The following EYS variants were observed in gnomAD, a reference collection of about 807,000 sequenced individuals.
The protein encoded by EYS is EGF-like photoreceptor maintenance factor, also known as protein eyes shut homolog.
EYS carries 250 observed loss-of-function variants against 282.1 expected under a neutral mutation model. The ratio of observed to expected loss-of-function variants is 0.89; its 90% CI spans 0.80 to 0.98. The LOEUF (loss-of-function observed/expected upper bound fraction) is 0.98. EYS is among the 50% of genes least tolerant of loss of function. The probability of loss-of-function intolerance (pLI) is 0.00; values close to 1 mark genes in which losing one functional copy is unlikely to be tolerated. For synonymous variants in EYS, 1,355 were observed against 1,282.9 expected, an observed-to-expected ratio of 1.06 and a Z score of -1.20; for missense variants, 4,016 against 3,709.0, an observed-to-expected ratio of 1.08 and a Z score of -2.15.
intron 22 of EYS, among the ~76,000 whole-genome samples, chr6:64,690,835 G>C (rs549619763): frequency 3.9e-5 from 6 of 152,092 alleles, no homozygotes; most frequent in African/African-American, 4.8e-5. Flanking sequence ...GTCCTGGGGT[G>C]GGGGGAGCGG....
At chr6:64,777,313 A>G (rs979395806) in intron 22 of EYS, among the ~76,000 whole-genome samples, 1 of 152,180 alleles carries the variant, frequency 6.6e-6, no homozygotes, top group Non-Finnish European at 1.5e-5. Flanking sequence ...ATTATTCTTT[A>G]TACCTTAGAT....
intron 36 of EYS, among the ~76,000 whole-genome samples, chr6:63,827,246 C>T (rs1004559347): frequency 1.3e-5 from 2 of 152,144 alleles, no homozygotes; most frequent in Non-Finnish European, 1.5e-5. Context: ...ACATACGCAC[C>T]TAACACTGGA....
At chr6:64,636,684 T>C (rs1582982275) in intron 22 of EYS, among the ~76,000 whole-genome samples, 1 of 152,092 alleles carries the variant, frequency 6.6e-6, no homozygotes, top group Non-Finnish European at 1.5e-5. Flanking sequence ...TTTTGCAACC[T>C]ACTCATCTGA....
intron 24 of EYS, among the ~76,000 whole-genome samples, chr6:64,604,672 G>A (rs1766867741): frequency 6.6e-6 from 1 of 152,026 alleles, no homozygotes; most frequent in Non-Finnish European, 1.5e-5. Context: ...GAAAGCACAA[G>A]TTCATTGATT....
At chr6:63,977,433 G>A (rs1180846253) in intron 35 of EYS, among the ~76,000 whole-genome samples, 1 of 151,912 alleles carries the variant, frequency 6.6e-6, no homozygotes, top group East Asian at 1.9e-4. Context: ...CTTCCTGATC[G>A]CAACTTGTTT....
chr6:64,860,531 C>G (rs1031389849), intron 19 of EYS, among the ~76,000 whole-genome samples: 1 of 152,166 alleles, frequency 6.6e-6, no homozygotes, highest in African/African-American at 2.4e-5. Flanking sequence ...ATGGCTGGTA[C>G]CAGGGAATGC....
At chr6:64,345,525 C>T (rs1771350064) in intron 29 of EYS, among the ~76,000 whole-genome samples, 1 of 152,112 alleles carries the variant, frequency 6.6e-6, no homozygotes, top group African/African-American at 2.4e-5. Context: ...TGGATCCCTT[C>T]CTTACACCTT....
intron 29 of EYS, among the ~76,000 whole-genome samples, chr6:64,329,677 C>G (rs546081803): frequency 9.3e-4 from 142 of 152,162 alleles, no homozygotes; most frequent in Non-Finnish European, 1.8e-3. Flanking sequence ...CATGGGATTA[C>G]TAAGCATATA....
chr6:65,250,326 G>T (rs1198061387), intron 12 of EYS, among the ~76,000 whole-genome samples: 1 of 151,578 alleles, frequency 6.6e-6, no homozygotes, highest in Non-Finnish European at 1.5e-5. Flanking sequence ...AAGTTCATTT[G>T]GCTAAAAAAA....
At chr6:64,920,375 A>T (rs1415155022) in intron 15 of EYS, among the ~76,000 whole-genome samples, 1 of 152,188 alleles carries the variant, frequency 6.6e-6, no homozygotes, top group African/African-American at 2.4e-5. Context: ...AGCTTTGAAC[A>T]TAAACCTAGT....
intron 34 of EYS, among the ~76,000 whole-genome samples, chr6:63,997,261 C>A (rs556342224): frequency 5.3e-5 from 8 of 152,180 alleles, no homozygotes; most frequent in African/African-American, 9.7e-5. Context: ...CTTTCTCAGA[C>A]AAGATCCTGC....
chr6:65,137,571 C>A (rs551812044), intron 12 of EYS, among the ~76,000 whole-genome samples: 9 of 152,038 alleles, frequency 5.9e-5, no homozygotes, highest in African/African-American at 1.7e-4. Flanking sequence ...AAAGAAGTAT[C>A]TGAGGAAAAG....
chr6:64,620,521 A>G (rs1451837013), intron 23 of EYS, among the ~76,000 whole-genome samples: 1 of 152,156 alleles, frequency 6.6e-6, no homozygotes, highest in Admixed American at 6.5e-5. Flanking sequence ...TGTAGTTTTC[A>G]ATACTCTTGC....
intron 22 of EYS, among the ~76,000 whole-genome samples, chr6:64,737,942 C>T (rs903419078): frequency 6.6e-6 from 1 of 152,110 alleles, no homozygotes; most frequent in Non-Finnish European, 1.5e-5. Flanking sequence ...TTGTTTTACT[C>T]CTCTGTATTA....
intron 8 of EYS, among the ~76,000 whole-genome samples, chr6:65,373,103 T>G (rs188306262): frequency 6.6e-6 from 1 of 152,302 alleles, no homozygotes; most frequent in East Asian, 1.9e-4. Context: ...AATTTCATCC[T>G]GGCCCAACTG....
intron 7 of EYS, among the ~76,000 whole-genome samples, chr6:65,385,740 A>G (rs1003626907): frequency 1.3e-5 from 2 of 151,994 alleles, no homozygotes; most frequent in Non-Finnish European, 2.9e-5. Context: ...TATTCCATAG[A>G]TGAAGACCTT....
intron 28 of EYS, among the ~76,000 whole-genome samples, chr6:64,414,714 C>A (rs924200823): frequency 7.2e-5 from 11 of 152,118 alleles, no homozygotes; most frequent in Admixed American, 3.9e-4. Context: ...TGCCAAACAT[C>A]AGCATATGCC....
chr6:64,120,112 C>T (rs1328184185), intron 31 of EYS, among the ~76,000 whole-genome samples: 3 of 151,442 alleles, frequency 2.0e-5, no homozygotes, highest in Non-Finnish European at 4.4e-5. Context: ...CTTTGGGAGG[C>T]CAAGGTGGGC....
At chr6:64,197,724 A>G (rs1223361175) in intron 31 of EYS, among the ~76,000 whole-genome samples, 3 of 150,830 alleles carry the variant, frequency 2.0e-5, no homozygotes, top group Non-Finnish European at 4.4e-5. Context: ...TCTCTTTTTA[A>G]TCTATTTAGT....
Sources: gnomAD v4.1 joint callset for allele counts (sites outside exome capture counted in the v4.1 genomes callset) on GRCh38, gnomAD v4.1.1 for gene constraint, MANE v1.5 for transcripts, NCBI Gene and HGNC (gene_info 2026-07-23, HGNC 2026-07-21) for gene names.